LRP1B: variants seen among roughly 807,000 people sequenced by gnomAD.
LRP1B encodes the protein low-density lipoprotein receptor-related protein 1B.
Under a neutral mutation model 556.6 loss-of-function variants are expected in LRP1B, and 217 were observed. That is an observed-to-expected ratio of 0.39 (90% CI 0.35 to 0.44). The LOEUF is 0.44. LRP1B is among the 20% of genes least tolerant of loss of function. LRP1B has a pLI of 1.00. For synonymous variants in LRP1B, 2,047 were observed against 1,865.8 expected (o/e 1.10, Z -2.50); for missense variants, 5,053 against 5,620.8 (o/e 0.90, Z 3.23).
chr2:141,489,500 G>A (rs1031283896), intron 2 of LRP1B, among the ~76,000 whole-genome samples: 1 of 151,834 alleles, frequency 6.6e-6, no homozygotes, highest in African/African-American at 2.4e-5. Context: ...AGACTATCAA[G>A]AATGTGAACA....
At chr2:140,944,853 G>A (rs1318639803) in intron 20 of LRP1B, among the ~76,000 whole-genome samples, 1 of 152,134 alleles carries the variant, frequency 6.6e-6, no homozygotes, top group Non-Finnish European at 1.5e-5. Context: ...ATTGGAACAG[G>A]ATGAGGATTT....
intron 77 of LRP1B, among the ~76,000 whole-genome samples, chr2:140,340,355 A>G (rs558496089): frequency 6.6e-6 from 1 of 151,746 alleles, no homozygotes; most frequent in East Asian, 1.9e-4. Context: ...ATTGTATAAC[A>G]GTTTGAAATA....
rs1457045063 is a variant in LRP1B, at chr2:140,233,196, GTCTC to G, written c.13786_13789del (p.Glu4596GlnfsTer6). The G allele has an allele frequency of 3.1e-6, 5 of 1,592,976 alleles. No homozygotes were observed. The South Asian group carries it at 5.6e-5, about 18-fold the overall frequency. ...AAAAGATATCACTGATTATGCCACTGTCTCTCTTATACCAATTTCTATTTTCTTT... is the reference window on the plus strand; with the variant it reads ...AAAAGATATCACTGATTATGCCACTGTCTTATACCAATTTCTATTTTCTTT... On this transcript the variant is annotated frameshift_variant, in exon 91 of 91. Transcript: ENST00000389484. LOFTEE classifies it high-confidence loss of function.
chr2:141,944,628 A>G (rs2105021009), intron 1 of LRP1B, among the ~76,000 whole-genome samples: 1 of 152,304 alleles, frequency 6.6e-6, no homozygotes, highest in East Asian at 1.9e-4. Context: ...AATCATCCAA[A>G]GAAAATATAT....
At chr2:140,941,083 T>C (rs1486958295) in intron 20 of LRP1B, among the ~76,000 whole-genome samples, 6 of 152,104 alleles carry the variant, frequency 3.9e-5, no homozygotes, top group Non-Finnish European at 1.5e-5. Context: ...ATCTTCCTTG[T>C]CTATAAGAAG....
intron 3 of LRP1B, among the ~76,000 whole-genome samples, chr2:141,412,569 A>C (rs1331360075): frequency 2.0e-5 from 3 of 152,330 alleles, no homozygotes; most frequent in African/African-American, 7.2e-5. Flanking sequence ...TACTGTACTC[A>C]ACACAGCTAG....
At chr2:141,708,484 C>A (rs1306877648) in intron 2 of LRP1B, among the ~76,000 whole-genome samples, 1 of 152,148 alleles carries the variant, frequency 6.6e-6, no homozygotes, top group Non-Finnish European at 1.5e-5. Context: ...CACATACCGA[C>A]ACATGCTTAC....
At chr2:141,419,985 C>G (rs1680077737) in intron 3 of LRP1B, among the ~76,000 whole-genome samples, 1 of 152,106 alleles carries the variant, frequency 6.6e-6, no homozygotes, top group Non-Finnish European at 1.5e-5. Context: ...GTGTATTCTG[C>G]TGCTGTTGGG....
intron 2 of LRP1B, among the ~76,000 whole-genome samples, chr2:141,753,263 C>CATATATATATATATATGTAT (rs1694188520): frequency 1.6e-5 from 1 of 62,502 alleles, no homozygotes; most frequent in African/African-American, 6.0e-5. Flanking sequence ...TCTCTCTCTC[C>CATATATATATATATATGTAT]ATATATATAT....
chr2:141,510,042 C>T (rs941476558), intron 2 of LRP1B, among the ~76,000 whole-genome samples: 1 of 151,688 alleles, frequency 6.6e-6, no homozygotes, highest in Non-Finnish European at 1.5e-5. Flanking sequence ...TATTTGGGGA[C>T]CAAAAAATGA....
intron 31 of LRP1B, among the ~76,000 whole-genome samples, chr2:140,835,360 C>G (rs1194127241): frequency 6.6e-6 from 1 of 152,102 alleles, no homozygotes; most frequent in Non-Finnish European, 1.5e-5. Flanking sequence ...ACCACAGGCT[C>G]CCATCTATTC....
At chr2:141,417,314 G>T (rs1691142668) in intron 3 of LRP1B, among the ~76,000 whole-genome samples, 1 of 152,086 alleles carries the variant, frequency 6.6e-6, no homozygotes, top group Non-Finnish European at 1.5e-5. Context: ...TCACAATGTT[G>T]TACAGCAGAT....
At chr2:141,265,055 G>A (rs985868303) in intron 3 of LRP1B, among the ~76,000 whole-genome samples, 2 of 152,118 alleles carry the variant, frequency 1.3e-5, no homozygotes, top group Admixed American at 6.5e-5. Context: ...ATCGGGCACC[G>A]AGCCCTTCCC....
intron 35 of LRP1B, among the ~76,000 whole-genome samples, chr2:140,752,074 T>C (rs1410385153): frequency 6.6e-6 from 1 of 151,966 alleles, no homozygotes; most frequent in African/African-American, 2.4e-5. Flanking sequence ...CCCAGCACTT[T>C]GGGAGGGCAA....
At chr2:142,104,272 C>T (rs1294349609) in intron 1 of LRP1B, among the ~76,000 whole-genome samples, 1 of 152,058 alleles carries the variant, frequency 6.6e-6, no homozygotes, top group African/African-American at 2.4e-5. Context: ...AATCCCCATT[C>T]TTTTACGGGA....
chr2:141,905,532 A>C (rs555905813), intron 1 of LRP1B, among the ~76,000 whole-genome samples: 1 of 151,654 alleles, frequency 6.6e-6, no homozygotes, highest in African/African-American at 2.4e-5. Flanking sequence ...TAAATTGTCA[A>C]GTGATGGTTC....
intron 2 of LRP1B, among the ~76,000 whole-genome samples, chr2:141,682,748 C>T (rs933469159): frequency 6.6e-6 from 1 of 152,082 alleles, no homozygotes; most frequent in Admixed American, 6.6e-5. Flanking sequence ...GAATATGGAA[C>T]AAAAGAACTG....
chr2:141,901,971 C>T (rs963507222), intron 1 of LRP1B, among the ~76,000 whole-genome samples: 1 of 151,412 alleles, frequency 6.6e-6, no homozygotes, highest in African/African-American at 2.4e-5. Flanking sequence ...TTCTTCATAC[C>T]TAGAATAATG....
chr2:140,342,643 GAA>G (rs1681453225), intron 77 of LRP1B, among the ~76,000 whole-genome samples: 1 of 151,470 alleles, frequency 6.6e-6, no homozygotes, highest in Non-Finnish European at 1.5e-5. Context: ...GAGATCCAAA[GAA>G]TAGGATGGGG....
Sources: allele counts gnomAD v4.1 joint callset (sites outside exome capture counted in the v4.1 genomes callset), GRCh38; gene constraint gnomAD v4.1.1; transcripts MANE v1.5; gene names NCBI Gene and HGNC (gene_info 2026-07-23, HGNC 2026-07-21).